PKHD1L1: variants seen among roughly 807,000 people sequenced by gnomAD.
PKHD1L1 encodes fibrocystin-L.
PKHD1L1 carries 434 observed loss-of-function variants against 462.9 expected under a neutral mutation model. The observed-to-expected ratio is 0.94, with a 90% CI of 0.87 to 1.02. The LOEUF is 1.02. PKHD1L1 is among the 50% of genes least tolerant of loss of function. The probability of loss-of-function intolerance (pLI) is 0.00; values close to 1 mark genes in which losing one functional copy is unlikely to be tolerated. For synonymous variants in PKHD1L1, 1,781 were observed against 1,750.0 expected (o/e 1.02, Z -0.44); for missense variants, 5,202 against 5,096.1 (o/e 1.02, Z -0.63).
chr8:109,429,467 T>G lies in PKHD1L1; in HGVS notation c.3123+5T>G. 2 of 1,603,422 alleles carry G rather than the reference T, an allele frequency of 1.2e-6. No homozygotes were observed. The highest frequency in any genetic ancestry group is 1.7e-6 in the Non-Finnish European group (2 of 1,174,304). ...ACACCCAGTCAACAGCCACAGGTAT[T>G]TTTGAAACTTTTCTCATGATGCTTA... is the stretch of plus-strand genomic sequence containing the variant. On this transcript the variant is annotated splice_donor_5th_base_variant and intron_variant, in intron 26 of 77. Transcript: ENST00000378402.
At chr8:109,392,326 G>C (rs1381964685) in intron 9 of PKHD1L1, among the ~76,000 whole-genome samples, 1 of 152,078 alleles carries the variant, frequency 6.6e-6, no homozygotes, top group South Asian at 2.1e-4. Context: ...AAAATAGAAG[G>C]TTTGAGTGAT....
chr8:109,436,063 T>C (rs927613574), intron 29 of PKHD1L1, among the ~76,000 whole-genome samples: 3 of 152,222 alleles, frequency 2.0e-5, no homozygotes, highest in Non-Finnish European at 4.4e-5. Context: ...CAGATGCTGC[T>C]ACCAATGCCC....
At chr8:109,502,771 A>G (rs542079017) in intron 67 of PKHD1L1, among the ~76,000 whole-genome samples, 1 of 152,222 alleles carries the variant, frequency 6.6e-6, no homozygotes, top group Non-Finnish European at 1.5e-5. Flanking sequence ...GAAGTATTAG[A>G]ATAGGGCAGA....
At chr8:109,365,314 T>C (rs1811174704) in intron 2 of PKHD1L1, among the ~76,000 whole-genome samples, 1 of 152,216 alleles carries the variant, frequency 6.6e-6, no homozygotes, top group Non-Finnish European at 1.5e-5. Flanking sequence ...CATTTAAAAA[T>C]ATTAGCAAAA....
In PKHD1L1 at chr8:109,536,173, A is replaced by G. The variant is rs1221896512; in HGVS notation, c.*6083A>G. 6.6e-6 allele frequency among the ~76,000 whole-genome samples: 1 copy of G among 152,224 alleles called. No individual in the cohort carries two copies. The highest frequency in any genetic ancestry group is 2.4e-5 in the African/African-American group (1 of 41,464). ...AAAGGGGATTGTACTGATCTTGAAG[A>G]TAACAAATCTGCCTGCTTCAAAGGT... On this transcript the variant is annotated 3_prime_UTR_variant, in exon 78 of 78. Coordinates refer to ENST00000378402, the MANE Select transcript of PKHD1L1 (RefSeq NM_177531.6).
intron 37 of PKHD1L1, among the ~76,000 whole-genome samples, chr8:109,444,174 C>A (rs1815986106): frequency 6.6e-6 from 1 of 151,998 alleles, no homozygotes; most frequent in South Asian, 2.1e-4. Flanking sequence ...CTCCATCGAT[C>A]CCAGCCTAAG....
rs1449819117 is a variant in PKHD1L1, at chr8:109,383,315, A to C, written c.417+744A>C. On this transcript the variant is annotated intron_variant, in intron 4 of 77. Coordinates refer to ENST00000378402, the MANE Select transcript of PKHD1L1 (RefSeq NM_177531.6). Reference sequence around the variant, plus strand: ...ATGTATAATTATACAATTATACATAATATATAATTAATATTATATATAATA... The same window carrying C: ...ATGTATAATTATACAATTATACATACTATATAATTAATATTATATATAATA... Among the ~76,000 whole-genome samples, 7 of 108,532 alleles carry C rather than the reference A, an allele frequency of 6.4e-5. No homozygotes were observed. In the East Asian group the frequency reaches 1.4e-3, roughly 21 times the overall value. The allele number at this position is 108,532 out of a possible 152,430, so 71.2% of individuals were successfully genotyped here.
At chr8:109,411,044 A>G (rs1234426946) in intron 19 of PKHD1L1, among the ~76,000 whole-genome samples, 1 of 151,788 alleles carries the variant, frequency 6.6e-6, no homozygotes, top group Non-Finnish European at 1.5e-5. Flanking sequence ...TTGTTTTCTT[A>G]GCTTGGATGC....
chr8:109,430,002 T>G lies in PKHD1L1; in HGVS notation c.3194T>G (p.Ile1065Ser). Residue 1065 changes from isoleucine (I) to serine (S), a missense_variant, in exon 27 of 78, where the codon ATT becomes AGT. Transcript: ENST00000378402. ...GDCGFTWDSN[I>S]TPLVLAISPS... ...TGTGGATTTACATGGGATTCCAACA[T>G]TACTCCCCTAGTCTTGGCGATAAGC... 6.2e-7 allele frequency: 1 copy of G among 1,611,776 alleles called. No homozygotes were observed. The highest frequency in any genetic ancestry group is 8.5e-7 in the Non-Finnish European group (1 of 1,179,126).
Position 109,464,605 on chromosome 8 carries a change from C to G in PKHD1L1, c.7773C>G (p.His2591Gln), listed in dbSNP as rs747687176. Residue 2591 changes from histidine (H) to glutamine (Q), a missense_variant, in exon 49 of 78, where the codon CAC (histidine) becomes CAG (glutamine). By Grantham distance (24) the His-to-Gln change is conservative. Coordinates refer to ENST00000378402, the MANE Select transcript of PKHD1L1 (RefSeq NM_177531.6). ...GCTTTTGGTACCGGATGAACAACCA[C>G]CCTGATGGGCCATCCTATGACAGAA... ...HFGFWYRMNN[H>Q]PDGPSYDRNI... 5 of 1,612,582 alleles carry G rather than the reference C, an allele frequency of 3.1e-6. No homozygotes were observed. The East Asian group carries it at 1.1e-4, about 36-fold the overall frequency.
chr8:109,380,995 C>T (rs143386946), intron 2 of PKHD1L1, among the ~76,000 whole-genome samples: 3 of 152,178 alleles, frequency 2.0e-5, no homozygotes, highest in African/African-American at 4.8e-5. Flanking sequence ...CTGTCATCCA[C>T]GAATCTAACC....
intron 46 of PKHD1L1, among the ~76,000 whole-genome samples, chr8:109,458,317 C>A (rs1162450025): frequency 1.3e-5 from 2 of 152,088 alleles, no homozygotes; most frequent in South Asian, 2.1e-4. Flanking sequence ...AGATTCTCAG[C>A]CTCTCACACC....
rs764060725 is a variant in PKHD1L1, at chr8:109,445,074, C to T, written c.5205C>T (p.Cys1735=). The change falls in exon 38 of 78, where the codon TGC becomes TGT. Residue 1735 remains cysteine (C), a synonymous_variant. Transcript: ENST00000378402. ...DLLIHGVPAQ[C]QGNCTFSYLE... The stretch of plus-strand genomic sequence containing the variant: ...TAATACATGGAGTGCCTGCCCAGTG[C>T]CAGGGAAACTGCACCTTTTCATACT... 3 of 1,613,932 alleles carry T rather than the reference C, an allele frequency of 1.9e-6. No individual in the cohort carries two copies. The highest frequency in any genetic ancestry group is 2.5e-6 in the Non-Finnish European group (3 of 1,179,880).
At chr8:109,408,604 T>A (rs1273956238) in intron 18 of PKHD1L1, among the ~76,000 whole-genome samples, 1 of 152,188 alleles carries the variant, frequency 6.6e-6, no homozygotes, top group East Asian at 1.9e-4. Context: ...AGTTTAAATA[T>A]CCTATTATTT....
rs1437343464 is a variant in PKHD1L1 at position 109,532,983 on chromosome 8, C to T, written c.*2893C>T. ...AATCCTATGAGGATAACCTTATTCC[C>T]TTCTCCAAATGAGGAAACTTGAAAT... is the stretch of plus-strand genomic sequence containing the variant. On this transcript the variant is annotated 3_prime_UTR_variant, in exon 78 of 78. Coordinates refer to ENST00000378402, the MANE Select transcript of PKHD1L1 (RefSeq NM_177531.6). Among the ~76,000 whole-genome samples, 2 of 152,228 alleles carry T rather than the reference C, an allele frequency of 1.3e-5. No individual in the cohort carries two copies. The highest frequency in any genetic ancestry group is 2.9e-5 in the Non-Finnish European group (2 of 68,040).
In PKHD1L1 at chr8:109,530,197, TA is replaced by T; in HGVS notation, c.*108del. On this transcript the variant is annotated 3_prime_UTR_variant, in exon 78 of 78. Transcript: ENST00000378402. The stretch of plus-strand genomic sequence containing the variant: ...CATTTTCATGAAAATATACTAAAAA[TA>T]TTTTTATGATATATAAAATGTACTA... 1 of 571,974 alleles carries T rather than the reference TA, an allele frequency of 1.7e-6. No individual in the cohort carries two copies. The highest frequency in any genetic ancestry group is 2.7e-6 in the Non-Finnish European group (1 of 375,862). 35.4% of individuals were successfully genotyped at this position (571,974 alleles called of 1,614,324 possible).
In PKHD1L1 at chr8:109,429,890, TC is replaced by T. The variant is rs764310329; in HGVS notation, c.3124-41del. The T allele has an allele frequency of 5.2e-6, 7 of 1,336,284 alleles. No homozygotes were observed. In the Admixed American group the frequency reaches 1.2e-4, roughly 24 times the overall value. The allele number at this position is 1,336,284 out of a possible 1,614,324, so 82.8% of individuals were successfully genotyped here. ...AACCTATTCATATTCTACTGCTGCC[TC>T]TTTGCCCATGTTCTGTAGCTTCTTG... On this transcript the variant is annotated intron_variant, in intron 26 of 77. Coordinates refer to ENST00000378402, the MANE Select transcript of PKHD1L1 (RefSeq NM_177531.6).
chr8:109,366,691 AT>A (rs373076991), intron 2 of PKHD1L1, among the ~76,000 whole-genome samples: 4,099 of 137,582 alleles, frequency 0.03, 97 homozygotes, highest in African/African-American at 0.085. Flanking sequence ...TGTGGTTATG[AT>A]TTTTTTTTTT....
Position 109,491,055 on chromosome 8 carries a change from T to C in PKHD1L1, c.10068T>C (p.Asp3356=). ...FSPAIGVFGT[D]GLDIDDNIIH... The stretch of plus-strand genomic sequence containing the variant: ...CAGCAATTGGTGTATTTGGGACAGA[T>C]GGATTGGACATAGATGACAACATCA... Residue 3356 remains aspartate (D), a synonymous_variant, in exon 61 of 78, where the codon GAT becomes GAC. Coordinates refer to ENST00000378402, the MANE Select transcript of PKHD1L1 (RefSeq NM_177531.6). 1 of 1,610,056 alleles carries C rather than the reference T, an allele frequency of 6.2e-7. No individual in the cohort carries two copies. Among genetic ancestry groups the C allele is most frequent in the Non-Finnish European group, 8.5e-7 (1 of 1,177,066 alleles).
Sources: gnomAD v4.1 joint callset for allele counts (sites outside exome capture counted in the v4.1 genomes callset) on GRCh38, gnomAD v4.1.1 for gene constraint, MANE v1.5 for transcripts, NCBI Gene and HGNC (gene_info 2026-07-23, HGNC 2026-07-21) for gene names.